ACKR5: variants seen among roughly 807,000 people sequenced by gnomAD.
The protein encoded by ACKR5 is G protein-coupled receptor 182.
the ACKR5 span, chr12:56,996,235 C>G: frequency 6.2e-7 from 1 of 1,614,126 alleles, no homozygotes; most frequent in Non-Finnish European, 8.5e-7. Flanking sequence ...TTCCTAAGGA[C>G]CAGACCAAGG....
At chr12:56,996,638 G>A in the ACKR5 span, 3 of 501,830 alleles carry the variant, frequency 6.0e-6, no homozygotes, top group South Asian at 4.6e-5. Context: ...TGTGTCTAAG[G>A]AGCAATGCAG....
At chr12:56,996,190 C>G in the ACKR5 span, 6 of 1,614,016 alleles carry the variant, frequency 3.7e-6, no homozygotes, top group African/African-American at 6.7e-5. Context: ...GCCCACACTT[C>G]CGGGGCCGGC....
the ACKR5 span, chr12:56,996,561 G>T: frequency 1.4e-6 from 1 of 735,172 alleles, no homozygotes; most frequent in Non-Finnish European, 2.2e-6. Flanking sequence ...CTGAGGTGTG[G>T]AGAGAGAGAC....
the ACKR5 span, chr12:56,995,409 G>A: frequency 1.9e-6 from 3 of 1,614,110 alleles, no homozygotes; most frequent in Non-Finnish European, 2.5e-6. This position sits in a 1 kb window ranked among gnomAD's most constrained non-coding sequence, Gnocchi z 4.7. Context: ...TTTGTGGTTG[G>A]GCTGGTGGAG....
chr12:56,995,234 C>A, the ACKR5 span: 1 of 1,613,490 alleles, frequency 6.2e-7, no homozygotes, highest in Non-Finnish European at 8.5e-7. This position sits in a 1 kb window ranked among gnomAD's most constrained non-coding sequence, Gnocchi z 4.7. Flanking sequence ...CAGCTGGGGG[C>A]CTGGCCCCTC....
chr12:56,995,075 T>C, the ACKR5 span: 1 of 741,902 alleles, frequency 1.3e-6, no homozygotes, highest in South Asian at 1.7e-5. This position sits in a 1 kb window ranked among gnomAD's most constrained non-coding sequence, Gnocchi z 4.7. Flanking sequence ...TAAACTTCCC[T>C]TTCTTGCCTT....
the ACKR5 span, chr12:56,996,059 C>A: frequency 7.0e-5 from 113 of 1,612,022 alleles, 2 homozygotes; most frequent in Middle Eastern, 1.6e-4. Flanking sequence ...GCTCACACTG[C>A]ATGGGACCCA....
At chr12:56,995,426 C>G in the ACKR5 span, 1 of 1,614,210 alleles carries the variant, frequency 6.2e-7, no homozygotes, top group East Asian at 2.2e-5. This position sits in a 1 kb window ranked among gnomAD's most constrained non-coding sequence, Gnocchi z 4.7. Context: ...GGAGAACCTC[C>G]TGGTGATATG....
At chr12:56,998,492 C>A in the ACKR5 span, 2 of 152,266 alleles carry the variant, frequency 1.3e-5, no homozygotes, top group African/African-American at 4.8e-5. Context: ...CACACCATGT[C>A]CCCGCAAATC....
chr12:56,995,233 G>C, the ACKR5 span: 2 of 1,613,738 alleles, frequency 1.2e-6, no homozygotes, highest in South Asian at 2.2e-5. This position sits in a 1 kb window ranked among gnomAD's most constrained non-coding sequence, Gnocchi z 4.7. Context: ...CCAGCTGGGG[G>C]CCTGGCCCCT....
the ACKR5 span, chr12:56,994,716 T>G: frequency 1.8e-5 from 3 of 163,384 alleles, no homozygotes; most frequent in African/African-American, 7.2e-5. Flanking sequence ...TCCTGCATGA[T>G]CCACAGGTTT....
the ACKR5 span, chr12:56,996,311 A>G: frequency 2.5e-6 from 4 of 1,614,010 alleles, no homozygotes; most frequent in African/African-American, 4.0e-5. Context: ...CAAGGGTGAT[A>G]GCCAGCCTGC....
At chr12:56,997,589 G>A in the ACKR5 span, 2 of 152,308 alleles carry the variant, frequency 1.3e-5, no homozygotes, top group Admixed American at 6.5e-5. Flanking sequence ...TGGGAGACTA[G>A]GACCCTGTCC....
At chr12:56,994,529 G>A in the ACKR5 span, 7 of 153,070 alleles carry the variant, frequency 4.6e-5, no homozygotes, top group East Asian at 1.9e-4. Flanking sequence ...AAGGGCGGCC[G>A]TGAAGCCAGC....
chr12:56,995,047 T>G, the ACKR5 span: 1 of 651,164 alleles, frequency 1.5e-6, no homozygotes, highest in Non-Finnish European at 2.7e-6. The surrounding 1 kb of genome is among the most constrained non-coding windows in gnomAD (Gnocchi z 4.7). Flanking sequence ...GTGTATTATT[T>G]ATTCACAGTT....
At chr12:56,997,124 T>C in the ACKR5 span, 2 of 152,316 alleles carry the variant, frequency 1.3e-5, no homozygotes, top group African/African-American at 4.8e-5. Flanking sequence ...TTGTCCATCC[T>C]GCTCCCTCCC....
the ACKR5 span, chr12:56,997,956 A>G: frequency 6.6e-6 from 1 of 152,262 alleles, no homozygotes; most frequent in African/African-American, 2.4e-5. Context: ...AGCTGCAGAC[A>G]GCTTCTCAGT....
At chr12:56,996,855 T>C in the ACKR5 span, 1 of 163,620 alleles carries the variant, frequency 6.1e-6, no homozygotes, top group Admixed American at 5.9e-5. Flanking sequence ...TGTGAGCTTG[T>C]TGATCTTCCA....
the ACKR5 span, chr12:56,998,812 T>C: frequency 6.6e-6 from 1 of 152,632 alleles, no homozygotes; most frequent in Non-Finnish European, 1.5e-5. Context: ...AGCATATTCA[T>C]AGTAGGTAGG....
Sources: allele counts gnomAD v4.1 joint callset, GRCh38; gene constraint gnomAD v4.1.1; non-coding constraint Gnocchi (gnomAD v3.1); transcripts MANE v1.5; gene names NCBI Gene and HGNC (gene_info 2026-07-23, HGNC 2026-07-21).